The following ZFHX4 variants were observed in gnomAD, a reference collection of about 807,000 sequenced individuals.
ZFHX4 encodes the protein zinc finger homeobox 4.
A neutral mutation model predicts 267.6 loss-of-function variants in ZFHX4; 56 were observed. The ratio of observed to expected loss-of-function variants is 0.21; its 90% CI spans 0.17 to 0.26. The LOEUF is 0.26. Among genes scored for constraint, ZFHX4 ranks in the 10% least tolerant of loss-of-function variants. The probability of loss-of-function intolerance (pLI) is 1.00; values close to 1 mark genes in which losing one functional copy is unlikely to be tolerated. For synonymous variants in ZFHX4, 1,778 were observed against 1,665.6 expected, an observed-to-expected ratio of 1.07 and a Z score of -1.64; for missense variants, 4,332 against 4,420.0, an observed-to-expected ratio of 0.98 and a Z score of 0.56.
At position 76,854,567 on chromosome 8, in the gene ZFHX4, G is replaced by A. The variant is rs777586752; in HGVS notation, c.7646G>A (p.Gly2549Glu). Residue 2549 changes from glycine to glutamate, a missense_variant, in exon 10 of 11, where the codon GGA (glycine) becomes GAA (glutamate). Coordinates refer to ENST00000651372, the MANE Select transcript of ZFHX4 (RefSeq NM_024721.5). ...GACCCCAACAATCCGCTGATGACTG[G>A]ACAACTGCTGGGCAGTTCCCTCACT... ...IFDPNNPLMT[G>E]QLLGSSLTQM... 1.9e-5 allele frequency: 31 copies of A among 1,613,558 alleles called. 1 individual carries two copies. The South Asian group carries it at 3.3e-4, about 17-fold the overall frequency.
intron 1 of ZFHX4, among the ~76,000 whole-genome samples, chr8:76,697,728 A>G (rs1284302334): frequency 6.6e-6 from 1 of 152,086 alleles, no homozygotes; most frequent in Non-Finnish European, 1.5e-5. Context: ...TAATTTACAC[A>G]ACCTTTCCAT....
chr8:76,864,621 A>G lies in ZFHX4; in HGVS notation c.*56A>G, dbSNP rs1046016645. ...ATAAAAAATAAAAAAATAAAAAAAA[A>G]ATAAGACTTTAACTGCAGTTCCAAA... is the stretch of plus-strand genomic sequence containing the variant. On this transcript the variant is annotated 3_prime_UTR_variant, in exon 11 of 11. Coordinates refer to ENST00000651372, the MANE Select transcript of ZFHX4 (RefSeq NM_024721.5). 36 of 1,287,184 alleles carry G rather than the reference A, an allele frequency of 2.8e-5. No homozygotes were observed. The highest frequency in any genetic ancestry group is 3.6e-5 in the Non-Finnish European group (35 of 971,520). The allele number at this position is 1,287,184 out of a possible 1,614,324, so 79.7% of individuals were successfully genotyped here. A position where few individuals can be genotyped will look rare whatever the true frequency, so the allele number is the denominator to read the frequency against.
chr8:76,684,048 GT>G (rs532154153), intron 1 of ZFHX4: 65 of 145,974 alleles, frequency 4.5e-4, no homozygotes, highest in East Asian at 3.4e-3. Flanking sequence ...TTCTGTTTTG[GT>G]TTTTTTTTTT....
rs1298572647 is a variant in ZFHX4 at position 76,853,893 on chromosome 8, C to G, written c.6972C>G (p.Ile2324Met). ...CKKCNVVFPR[I>M]FDLITHQKKQ... ...AGTGCAATGTGGTTTTCCCCAGGAT[C>G]TTTGACTTGATTACGCATCAGAAAA... is the stretch of plus-strand genomic sequence containing the variant. Residue 2324 changes from isoleucine to methionine, a missense_variant, in exon 10 of 11, where the codon ATC (isoleucine) becomes ATG (methionine). This residue lies in a region of ZFHX4 where 1,648 missense variants were observed against 1,625.0 expected (regional missense o/e 1.01). Transcript: ENST00000651372. 3.1e-6 allele frequency: 5 copies of G among 1,613,938 alleles called. No individual in the cohort carries two copies. The highest frequency in any genetic ancestry group is 2.5e-6 in the Non-Finnish European group (3 of 1,179,872).
Position 76,851,075 on chromosome 8 carries a change from A to T in ZFHX4, c.4154A>T (p.Gln1385Leu), listed in dbSNP as rs1812505456. ...QDQLNEQQKR[Q>L]PLSVSDRHVY... Reference sequence around the variant, plus strand: ...CAATTAAATGAACAGCAAAAAAGGCAACCGCTCTCTGTTTCTGACCGTCAT... The same window carrying T: ...CAATTAAATGAACAGCAAAAAAGGCTACCGCTCTCTGTTTCTGACCGTCAT... Residue 1385 changes from glutamine to leucine, a missense_variant, in exon 10 of 11, where the codon CAA becomes CTA. Around this residue, in one of 7 missense-constraint regions of ZFHX4, gnomAD observed 1,371 missense variants for 1,423.1 expected, o/e 0.96. Transcript: ENST00000651372. 1 of 1,614,008 alleles carries T rather than the reference A, an allele frequency of 6.2e-7. No individual in the cohort carries two copies. Among genetic ancestry groups the T allele is most frequent in the African/African-American group, 1.3e-5 (1 of 75,058 alleles).
At chr8:76,833,438 C>T (rs757255210) in intron 5 of ZFHX4, 32 bp downstream of exon 5, 93 of 1,537,910 alleles carry the variant, frequency 6.0e-5, no homozygotes. Flanking sequence ...CAAAATATTT[C>T]CTTGTCCTAA....
intron 3 of ZFHX4, among the ~76,000 whole-genome samples, chr8:76,744,242 A>G (rs1223726366): frequency 6.6e-6 from 1 of 152,016 alleles, no homozygotes; most frequent in Non-Finnish European, 1.5e-5. Flanking sequence ...GCTACTCAGG[A>G]GGTTGAGACA....
Position 76,704,471 on chromosome 8 carries a change from C to G in ZFHX4, c.383C>G (p.Thr128Arg), listed in dbSNP as rs1337501369. The G allele has an allele frequency of 1.7e-5, 27 of 1,613,828 alleles. No homozygotes were observed. The Admixed American group carries it at 4.5e-4, about 27-fold the overall frequency. Reference sequence around the variant, plus strand: ...GAGGACAGTGACGTGGAAAATCTAACAGGGGAGATCGTTTACCAGCCTGAT... The same window carrying G: ...GAGGACAGTGACGTGGAAAATCTAAGAGGGGAGATCGTTTACCAGCCTGAT... ...ELEDSDVENLTGEIVYQPDGS... is the reference protein window; with the variant it reads ...ELEDSDVENLRGEIVYQPDGS... Residue 128 changes from threonine to arginine, a missense_variant, in exon 2 of 11, where the codon ACA (threonine) becomes AGA (arginine). This residue lies in a region of ZFHX4 where 1,195 missense variants were observed against 1,173.6 expected (regional missense o/e 1.02). Transcript: ENST00000651372.
At chr8:76,730,591 C>T (rs1279883877) in intron 3 of ZFHX4, among the ~76,000 whole-genome samples, 1 of 151,832 alleles carries the variant, frequency 6.6e-6, no homozygotes, top group Admixed American at 6.6e-5. Flanking sequence ...CCCAGATACT[C>T]GGGAGGCTGA....
chr8:76,842,903 C>T (rs1293677554), intron 6 of ZFHX4, 132 bp downstream of exon 6: 1 of 579,920 alleles, frequency 1.7e-6, no homozygotes. Context: ...CTGAACATTC[C>T]CACTACTATT....
intron 5 of ZFHX4, among the ~76,000 whole-genome samples, chr8:76,837,627 C>CA (rs1812127189): frequency 6.6e-6 from 1 of 152,136 alleles, no homozygotes; most frequent in Non-Finnish European, 1.5e-5. Context: ...TTTCTAAACC[C>CA]AATTCACTGT....
At chr8:76,833,299 T>C (rs1445711687) in intron 4 of ZFHX4, 39 bp from the exon 5 acceptor site, 2 of 1,568,610 alleles carry the variant, frequency 1.3e-6, no homozygotes, top group Non-Finnish European at 1.7e-6. Flanking sequence ...GAGCTGGATA[T>C]GGCATGCTGA....
At position 76,704,616 on chromosome 8, in the gene ZFHX4, G is replaced by A; in HGVS notation, c.528G>A (p.Lys176=). The change falls in exon 2 of 11, where the codon AAG becomes AAA. Residue 176 remains lysine (K), a synonymous_variant. Coordinates refer to ENST00000651372, the MANE Select transcript of ZFHX4 (RefSeq NM_024721.5). The stretch of plus-strand genomic sequence containing the variant: ...ACTCCCTGGCATCTGCTGGAGAGAA[G>A]AGTGATCAGTCTGCTTCTGCACCTA... ...FLDSLASAGE[K]SDQSASAPMS... 1 of 1,614,018 alleles carries A rather than the reference G, an allele frequency of 6.2e-7. No homozygotes were observed. Among genetic ancestry groups the A allele is most frequent in the East Asian group, 2.2e-5 (1 of 44,878 alleles).
rs1249434027 is a variant in ZFHX4, at chr8:76,855,576, C to G, written c.8655C>G (p.Ser2885Arg). 1 of 1,613,908 alleles carries G rather than the reference C, an allele frequency of 6.2e-7. No homozygotes were observed. Among genetic ancestry groups the G allele is most frequent in the Non-Finnish European group, 8.5e-7 (1 of 1,179,856 alleles). The change falls in exon 10 of 11, where the codon AGC becomes AGG. Residue 2885 changes from serine (S) to arginine (R), a missense_variant. Physicochemically the swap from Ser to Arg is moderately radical, Grantham distance 110. This residue lies in a region of ZFHX4 where 1,648 missense variants were observed against 1,625.0 expected (regional missense o/e 1.01). Transcript: ENST00000651372. ...FNDKDGDHDQ[S>R]FYITDDPDDN... ...ACAAAGATGGCGACCACGACCAAAG[C>G]TTTTACATCACAGATGACCCGGATG... is the stretch of plus-strand genomic sequence containing the variant.
intron 5 of ZFHX4, among the ~76,000 whole-genome samples, chr8:76,838,925 C>A (rs1415464009): frequency 1.3e-5 from 2 of 151,932 alleles, no homozygotes; most frequent in Non-Finnish European, 2.9e-5. Context: ...TATGGTGGTG[C>A]ATGCCTGTGG....
intron 3 of ZFHX4, among the ~76,000 whole-genome samples, chr8:76,718,763 G>GT (rs766742545): frequency 9.2e-5 from 14 of 152,100 alleles, no homozygotes; most frequent in Non-Finnish European, 1.6e-4. Context: ...CTATTGCTCA[G>GT]TTTTTTTCCA....
At chr8:76,782,927 G>A (rs181417110) in intron 4 of ZFHX4, among the ~76,000 whole-genome samples, 9 of 152,098 alleles carry the variant, frequency 5.9e-5, no homozygotes, top group African/African-American at 1.9e-4. Flanking sequence ...AAGCACTAAA[G>A]TGCAAGTTAT....
chr8:76,759,215 A>G (rs1010366837), intron 3 of ZFHX4, among the ~76,000 whole-genome samples: 4 of 152,172 alleles, frequency 2.6e-5, no homozygotes, highest in African/African-American at 9.7e-5. Context: ...CAGCCAAATT[A>G]TATATTAGAA....
chr8:76,753,932 T>C (rs1165619347), intron 3 of ZFHX4, among the ~76,000 whole-genome samples: 1 of 61,916 alleles, frequency 1.6e-5, no homozygotes, highest in Non-Finnish European at 3.0e-5. Flanking sequence ...CCAGCCAACA[T>C]TTTTTATATG....
Sources: gnomAD v4.1 joint callset for allele counts (sites outside exome capture counted in the v4.1 genomes callset) on GRCh38, gnomAD v4.1.1 for gene constraint, gnomAD v4.1.1 regional missense constraint, MANE v1.5 for transcripts, NCBI Gene and HGNC (gene_info 2026-07-23, HGNC 2026-07-21) for gene names.